The following NECAP2 variants were observed in gnomAD, a reference collection of about 807,000 sequenced individuals.
NECAP2 encodes NECAP endocytosis associated 2.
A neutral mutation model predicts 37.8 loss-of-function variants in NECAP2; 38 were observed. The observed-to-expected ratio is 1.01, with a 90% CI of 0.78 to 1.32. NECAP2 has a LOEUF of 1.32. NECAP2 is among the 40% of genes most tolerant of loss of function. NECAP2 has a pLI of 0.00. For missense variants in NECAP2, 316 were observed against 334.5 expected, an observed-to-expected ratio of 0.94 and a Z score of 0.43; for synonymous variants, 121 against 127.7, an observed-to-expected ratio of 0.95 and a Z score of 0.35.
Position 16,449,868 on chromosome 1 carries a change from C to G in NECAP2, c.489+667C>G, listed in dbSNP as rs946254556. 24 of 218,450 alleles carry G rather than the reference C, an allele frequency of 1.1e-4. 1 individual carries two copies. Among genetic ancestry groups the G allele is most frequent in the Admixed American group, 1.1e-3 (19 of 18,022 alleles). The allele number at this position is 218,450 out of a possible 1,614,324, so 13.5% of individuals were successfully genotyped here. On this transcript the variant is annotated intron_variant, in intron 5 of 7. Transcript: ENST00000337132. ...CTCCTGTTCATAGGAACAGGTTGGG[C>G]TGGGCTGGGCTGGGCTGGGTTGCCT... is the stretch of plus-strand genomic sequence containing the variant.
Position 16,459,009 on chromosome 1 carries a change from C to T in NECAP2, c.*119C>T, listed in dbSNP as rs1038332643. 3.8e-6 allele frequency: 6 copies of T among 1,578,116 alleles called. No individual in the cohort carries two copies. The African/African-American group carries it at 5.4e-5, about 14-fold the overall frequency. ...GTTTGGGGCATGAATCTCTCCTCTC[C>T]TCCTTGTCTGGCTCTGTTGACAAAC... On this transcript the variant is annotated 3_prime_UTR_variant, in exon 8 of 8. Transcript: ENST00000337132.
chr1:16,458,719 G>T (rs2086965649), intron 7 of NECAP2, 123 bp from the exon 8 acceptor site: 1 of 980,332 alleles, frequency 1.0e-6, no homozygotes, highest in Non-Finnish European at 1.6e-6. Flanking sequence ...GCTGACTGCT[G>T]CTCTAGAACA....
At chr1:16,454,923 T>G (rs1191511770) in intron 6 of NECAP2, among the ~76,000 whole-genome samples, 1 of 152,196 alleles carries the variant, frequency 6.6e-6, no homozygotes, top group Non-Finnish European at 1.5e-5. Flanking sequence ...TATGGAGTAG[T>G]TCCTGTTATT....
intron 7 of NECAP2, among the ~76,000 whole-genome samples, chr1:16,457,373 C>G (rs948972497): frequency 5.9e-5 from 9 of 152,222 alleles, no homozygotes; most frequent in African/African-American, 2.2e-4. Flanking sequence ...ACGAGAATTG[C>G]TTGAACCCGG....
At chr1:16,451,489 C>T (rs2086841715) in intron 5 of NECAP2, 1 of 238,590 alleles carries the variant, frequency 4.2e-6, no homozygotes, top group African/African-American at 2.3e-5. Context: ...CCAGTTTACA[C>T]TTAAGCCAGC....
chr1:16,454,670 T>G (rs1346660555), intron 6 of NECAP2, among the ~76,000 whole-genome samples: 3 of 152,188 alleles, frequency 2.0e-5, no homozygotes, highest in African/African-American at 7.2e-5. Flanking sequence ...TTTGTGATCT[T>G]TAGAAAATCA....
intron 5 of NECAP2, chr1:16,451,206 T>C (rs1288897137): frequency 6.6e-6 from 1 of 152,304 alleles, no homozygotes; most frequent in East Asian, 1.9e-4. Flanking sequence ...TCCATGGTGT[T>C]GCGTGTAGTT....
rs972896739 is a variant in NECAP2, at chr1:16,459,861, A to G, written c.*971A>G. The G allele has an allele frequency of 6.6e-6, 1 of 152,162 alleles. No individual in the cohort carries two copies. Among genetic ancestry groups the G allele is most frequent in the Non-Finnish European group, 1.5e-5 (1 of 68,030 alleles). 9.4% of individuals were successfully genotyped at this position (152,162 alleles called of 1,614,324 possible). ...CTTCTTTTCTCCTTCAGGAACTGTG[A>G]ATGGCTAGAAGAAGGAGCTCAGTAA... is the stretch of plus-strand genomic sequence containing the variant. On this transcript the variant is annotated 3_prime_UTR_variant, in exon 8 of 8. Coordinates refer to ENST00000337132, the MANE Select transcript of NECAP2 (RefSeq NM_018090.5).
At chr1:16,445,386 G>A (rs577489108) in intron 2 of NECAP2, among the ~76,000 whole-genome samples, 2 of 152,348 alleles carry the variant, frequency 1.3e-5, no homozygotes, top group South Asian at 4.1e-4. Flanking sequence ...CTTGGCCTAT[G>A]TCTAGCAGAT....
At chr1:16,452,287 CCA>C (rs1244659936) in intron 6 of NECAP2, among the ~76,000 whole-genome samples, 1 of 152,172 alleles carries the variant, frequency 6.6e-6, no homozygotes, top group African/African-American at 2.4e-5. Context: ...TTCCTGGTTC[CCA>C]GTGTCTGCTC....
At chr1:16,455,591 C>T (rs2086905164) in intron 6 of NECAP2, 4 of 534,112 alleles carry the variant, frequency 7.5e-6, no homozygotes, top group Middle Eastern at 5.0e-4. Context: ...ATGTGGCTTT[C>T]TGCGTTTTCT....
At chr1:16,452,803 A>G (rs2086865623) in intron 6 of NECAP2, among the ~76,000 whole-genome samples, 1 of 142,042 alleles carries the variant, frequency 7.0e-6, no homozygotes, top group African/African-American at 2.5e-5. Flanking sequence ...GCCCAGCTTG[A>G]TGCTCCTGGC....
At chr1:16,451,004 A>G (rs930649579) in intron 5 of NECAP2, 1 of 152,200 alleles carries the variant, frequency 6.6e-6, no homozygotes, top group African/African-American at 2.4e-5. Flanking sequence ...ACCTTGCTCA[A>G]GATGCAAAAG....
intron 5 of NECAP2, chr1:16,451,158 T>C (rs1490676850): frequency 6.6e-6 from 1 of 152,250 alleles, no homozygotes; most frequent in East Asian, 1.9e-4. Flanking sequence ...TTTGGAATGA[T>C]TTCTTTCTTT....
chr1:16,443,139 G>A (rs2086713100), intron 1 of NECAP2, among the ~76,000 whole-genome samples: 1 of 152,212 alleles, frequency 6.6e-6, no homozygotes, highest in Admixed American at 6.5e-5. Flanking sequence ...TCAGGCCCCT[G>A]CAGCTGCTGC....
chr1:16,456,029 T>C (rs532608588), intron 7 of NECAP2, 136 bp downstream of exon 7: 54 of 634,744 alleles, frequency 8.5e-5, no homozygotes, highest in African/African-American at 2.6e-4. Flanking sequence ...CTTTTCTTTT[T>C]TTTTTTTTTT....
Position 16,448,535 on chromosome 1 carries a change from C to T in NECAP2, c.380+394C>T, listed in dbSNP as rs560514446. ...CTAAGAGACAGGGCAGGAAGTCCTC[C>T]TCCACCATCTGCAGGGCTCGAACTC... On this transcript the variant is annotated intron_variant, in intron 4 of 7. Coordinates refer to ENST00000337132, the MANE Select transcript of NECAP2 (RefSeq NM_018090.5). 2.6e-5 allele frequency among the ~76,000 whole-genome samples: 4 copies of T among 152,282 alleles called. No individual in the cohort carries two copies. In the South Asian group the frequency reaches 8.3e-4, roughly 32 times the overall value.
chr1:16,459,003 C>G lies in NECAP2; in HGVS notation c.*113C>G. 1.3e-6 allele frequency: 2 copies of G among 1,586,420 alleles called. No homozygotes were observed. Among genetic ancestry groups the G allele is most frequent in the African/African-American group, 1.4e-5 (1 of 73,860 alleles). ...GCCTGTGTTTGGGGCATGAATCTCT[C>G]CTCTCCTCCTTGTCTGGCTCTGTTG... On this transcript the variant is annotated 3_prime_UTR_variant, in exon 8 of 8. Transcript: ENST00000337132.
Position 16,458,825 on chromosome 1 carries a change from C to G in NECAP2, c.744-17C>G. 1 of 1,613,202 alleles carries G rather than the reference C, an allele frequency of 6.2e-7. No individual in the cohort carries two copies. Among genetic ancestry groups the G allele is most frequent in the East Asian group, 2.2e-5 (1 of 44,850 alleles). On this transcript the variant is annotated splice_polypyrimidine_tract_variant and intron_variant, in intron 7 of 7. Coordinates refer to ENST00000337132, the MANE Select transcript of NECAP2 (RefSeq NM_018090.5). ...AAGATCTGAACTCCCCCACCCTTCC[C>G]TGTCTTCTCTTTACAGATCAACTTC... is the stretch of plus-strand genomic sequence containing the variant.
Sources: gnomAD v4.1 joint callset for allele counts (sites outside exome capture counted in the v4.1 genomes callset) on GRCh38, gnomAD v4.1.1 for gene constraint, MANE v1.5 for transcripts, NCBI Gene and HGNC (gene_info 2026-07-23, HGNC 2026-07-21) for gene names.